Variants in KHDRBS2 observed in about 807,000 individuals in gnomAD.
KHDRBS2 encodes the protein KH domain-containing, RNA-binding, signal transduction-associated protein 2.
Under a neutral mutation model 44.3 loss-of-function variants are expected in KHDRBS2, and 26 were observed. The ratio of observed to expected loss-of-function variants is 0.59; its 90% CI spans 0.43 to 0.81. KHDRBS2 has a LOEUF of 0.81. Among genes scored for constraint, KHDRBS2 ranks in the 40% least tolerant of loss-of-function variants. The probability of loss-of-function intolerance (pLI) is 0.00; values close to 1 mark genes in which losing one functional copy is unlikely to be tolerated. For synonymous variants in KHDRBS2, 194 were observed against 151.1 expected (o/e 1.28, Z -2.08); for missense variants, 476 against 433.1 (o/e 1.10, Z -0.88).
chr6:61,597,200 T>C, the KHDRBS2 span, among the ~76,000 whole-genome samples: 1 of 152,228 alleles, frequency 6.6e-6, no homozygotes, highest in East Asian at 1.9e-4. Context: ...AGGAGGAAGA[T>C]GCCATTTCAA....
chr6:61,986,407 T>C (rs1775061358), intron 3 of KHDRBS2, among the ~76,000 whole-genome samples: 1 of 152,182 alleles, frequency 6.6e-6, no homozygotes, highest in Non-Finnish European at 1.5e-5. Flanking sequence ...GTTTCCAAAT[T>C]AAATTTAAAT....
the KHDRBS2 span, among the ~76,000 whole-genome samples, chr6:61,666,857 C>G: frequency 6.6e-6 from 1 of 151,270 alleles, no homozygotes; most frequent in Non-Finnish European, 1.5e-5. Context: ...TAAATTAGAT[C>G]AAATAGTAGA....
At chr6:61,736,583 C>T (rs1775396031) in intron 6 of KHDRBS2, among the ~76,000 whole-genome samples, 1 of 151,954 alleles carries the variant, frequency 6.6e-6, no homozygotes, top group African/African-American at 2.4e-5. Context: ...GGAGGCAAGG[C>T]AGTTTTAATT....
At chr6:62,199,557 A>G (rs1212923743) in intron 1 of KHDRBS2, among the ~76,000 whole-genome samples, 2 of 152,216 alleles carry the variant, frequency 1.3e-5, no homozygotes, top group Non-Finnish European at 2.9e-5. Flanking sequence ...AAGGAGAACT[A>G]CAAACCACTG....
At chr6:61,664,548 C>G in the KHDRBS2 span, among the ~76,000 whole-genome samples, 2 of 151,706 alleles carry the variant, frequency 1.3e-5, no homozygotes, top group African/African-American at 2.4e-5. Flanking sequence ...CATATTTTAA[C>G]AGAACTGTAG....
At chr6:61,798,350 T>A (rs1265261754) in intron 6 of KHDRBS2, among the ~76,000 whole-genome samples, 1 of 152,048 alleles carries the variant, frequency 6.6e-6, no homozygotes, top group Non-Finnish European at 1.5e-5. Flanking sequence ...AGCCTGAAGG[T>A]CCCTTAATCT....
At position 61,932,364 on chromosome 6, in the gene KHDRBS2, C is replaced by G. The variant is rs188058495; in HGVS notation, c.484-30993G>C. Among the ~76,000 whole-genome samples the G allele has an allele frequency of 9.3e-4, 142 of 152,320 alleles. 1 individual carries two copies. The highest frequency in any genetic ancestry group is 3.3e-3 in the African/African-American group (136 of 41,578). ...AGTCACCTGGCGGTACAACACATCT[C>G]TTGAAATTTATTCCTCCTATCTAAC... is the stretch of plus-strand genomic sequence containing the variant. On this transcript the variant is annotated intron_variant, in intron 4 of 8. Transcript: ENST00000281156.
intron 1 of KHDRBS2, among the ~76,000 whole-genome samples, chr6:62,197,084 A>C (rs1825860114): frequency 6.6e-6 from 1 of 152,176 alleles, no homozygotes; most frequent in African/African-American, 2.4e-5. Flanking sequence ...TTTCACAGTA[A>C]GTAGAGCAAC....
intron 6 of KHDRBS2, among the ~76,000 whole-genome samples, chr6:61,842,187 G>A (rs1243531727): frequency 6.6e-6 from 1 of 152,136 alleles, no homozygotes; most frequent in African/African-American, 2.4e-5. Flanking sequence ...GGTTCTTTGT[G>A]CTGCCACCTA....
the KHDRBS2 span, among the ~76,000 whole-genome samples, chr6:61,607,545 A>AAAAAAAAAAAAT: frequency 6.8e-6 from 1 of 147,572 alleles, no homozygotes; most frequent in African/African-American, 2.5e-5. Context: ...AAAAAAAAAA[A>AAAAAAAAAAAAT]GATGTGTGAG....
intron 1 of KHDRBS2, among the ~76,000 whole-genome samples, chr6:62,256,518 G>A (rs750069473): frequency 4.5e-4 from 69 of 152,010 alleles, no homozygotes; most frequent in Non-Finnish European, 5.9e-4. Flanking sequence ...CTTGTCTGCC[G>A]CCACATGAGA....
At chr6:61,803,273 T>C (rs1479237891) in intron 6 of KHDRBS2, among the ~76,000 whole-genome samples, 2 of 152,110 alleles carry the variant, frequency 1.3e-5, no homozygotes, top group African/African-American at 4.8e-5. Context: ...GAAACAATGA[T>C]TATTAAGAAG....
chr6:62,008,943 G>A (rs936769269), intron 3 of KHDRBS2, among the ~76,000 whole-genome samples: 9 of 152,168 alleles, frequency 5.9e-5, no homozygotes, highest in South Asian at 2.1e-4. Context: ...GTGTGAAAAC[G>A]GGCTAATAGA....
At chr6:61,730,471 G>T (rs1562049408) in intron 7 of KHDRBS2, among the ~76,000 whole-genome samples, 1 of 152,066 alleles carries the variant, frequency 6.6e-6, no homozygotes, top group Non-Finnish European at 1.5e-5. Flanking sequence ...AGATGAGGCT[G>T]TATTAGAAAA....
At chr6:61,930,532 AAAAAAAAAAAAAAG>A (rs1562462253) in intron 4 of KHDRBS2, among the ~76,000 whole-genome samples, 376 of 31,332 alleles carry the variant, frequency 0.012, 32 homozygotes, top group East Asian at 0.073. Flanking sequence ...CTAAAAAAAA[AAAAAAAAAAAAAAG>A]AAAAAAAAAA....
chr6:61,722,390 C>A (rs1419625164), intron 7 of KHDRBS2, among the ~76,000 whole-genome samples: 2 of 152,108 alleles, frequency 1.3e-5, no homozygotes, highest in Non-Finnish European at 2.9e-5. Context: ...TGCTGAACTT[C>A]AGGTGAACCT....
At chr6:61,951,560 A>G (rs533273632) in intron 4 of KHDRBS2, among the ~76,000 whole-genome samples, 38 of 152,182 alleles carry the variant, frequency 2.5e-4, no homozygotes, top group Admixed American at 9.2e-4. Flanking sequence ...AGGCATTTGT[A>G]TAACACCTTG....
intron 7 of KHDRBS2, among the ~76,000 whole-genome samples, chr6:61,703,620 C>G (rs1221347687): frequency 6.6e-6 from 1 of 151,764 alleles, no homozygotes; most frequent in Non-Finnish European, 1.5e-5. Flanking sequence ...TTTTTATATC[C>G]ACTTATGTGT....
chr6:61,655,692 A>T, the KHDRBS2 span, among the ~76,000 whole-genome samples: 2 of 152,202 alleles, frequency 1.3e-5, 1 homozygote, highest in South Asian at 4.1e-4. Context: ...AGACAAACTG[A>T]TTTATTTTTC....
Sources: gnomAD v4.1 joint callset for allele counts (sites outside exome capture counted in the v4.1 genomes callset) on GRCh38, gnomAD v4.1.1 for gene constraint, MANE v1.5 for transcripts, NCBI Gene and HGNC (gene_info 2026-07-23, HGNC 2026-07-21) for gene names.